The following KIAA1217 variants were observed in gnomAD, a reference collection of about 807,000 sequenced individuals.
KIAA1217 encodes KIAA1217.
A neutral mutation model predicts 163.9 loss-of-function variants in KIAA1217; 88 were observed. That is an observed-to-expected ratio of 0.54 (90% CI 0.45 to 0.64). The LOEUF (loss-of-function observed/expected upper bound fraction) is 0.64. KIAA1217 is among the 30% of genes least tolerant of loss of function. The pLI is 0.00. For synonymous variants in KIAA1217, 903 were observed against 923.1 expected (o/e 0.98, Z 0.39); for missense variants, 2,372 against 2,475.0 (o/e 0.96, Z 0.88).
intron 1 of KIAA1217, among the ~76,000 whole-genome samples, chr10:23,849,011 C>T (rs949533531): frequency 1.3e-5 from 2 of 151,874 alleles, no homozygotes; most frequent in African/African-American, 4.8e-5. Context: ...TTCTATTTCC[C>T]CAGAACCTGG....
intron 4 of KIAA1217, among the ~76,000 whole-genome samples, chr10:24,433,646 C>T (rs2059781830): frequency 6.6e-6 from 1 of 152,166 alleles, no homozygotes; most frequent in Non-Finnish European, 1.5e-5. Context: ...TGATCGAGGT[C>T]TTAAGAGTTG....
Position 23,790,538 on chromosome 10 carries a change from C to T in KIAA1217, c.-321+95304C>T, listed in dbSNP as rs1204967994. Among the ~76,000 whole-genome samples, 112 of 82,050 alleles carry T rather than the reference C, an allele frequency of 1.4e-3. 27 individuals are homozygous for T. Among genetic ancestry groups the T allele is most frequent in the African/African-American group, 0.011 (108 of 10,006 alleles). The allele number at this position is 82,050 out of a possible 152,430, so 53.8% of individuals were successfully genotyped here. A position where few individuals can be genotyped will look rare whatever the true frequency, so the allele number is the denominator to read the frequency against. On this transcript the variant is annotated intron_variant, in intron 1 of 18. Transcript: ENST00000376462. ...ATGTATATATACATATATACATATA[C>T]ATGTGCATATATACATATGTACATA...
At chr10:24,026,982 T>G (rs771709101) in intron 2 of KIAA1217, among the ~76,000 whole-genome samples, 14 of 152,082 alleles carry the variant, frequency 9.2e-5, no homozygotes, top group Non-Finnish European at 1.8e-4. Flanking sequence ...TCAAAGTATT[T>G]TACAATTTTT....
chr10:23,913,596 G>A (rs561119855), intron 1 of KIAA1217, among the ~76,000 whole-genome samples: 3 of 152,052 alleles, frequency 2.0e-5, no homozygotes, highest in Admixed American at 6.6e-5. Context: ...GGTAAGTGAG[G>A]GGTGCCCAAA....
At chr10:23,703,921 T>G (rs1050769830) in intron 1 of KIAA1217, among the ~76,000 whole-genome samples, 95 of 151,452 alleles carry the variant, frequency 6.3e-4, no homozygotes, top group African/African-American at 2.3e-3. Context: ...TTTTTGTTTT[T>G]GTATTGCCAA....
chr10:24,520,385 G>A (rs988268078), intron 11 of KIAA1217, 132 bp downstream of exon 11: 47 of 1,249,226 alleles, frequency 3.8e-5, no homozygotes, highest in Non-Finnish European at 5.2e-5. Context: ...GCATTGTTCT[G>A]GACACTTGGG....
intron 2 of KIAA1217, among the ~76,000 whole-genome samples, chr10:24,311,245 C>T (rs182876286): frequency 6.6e-6 from 1 of 152,242 alleles, no homozygotes; most frequent in African/African-American, 2.4e-5. Context: ...AGCCTGTGTC[C>T]TGTGACACCT....
At chr10:24,393,383 G>A (rs1323396242) in intron 3 of KIAA1217, among the ~76,000 whole-genome samples, 2 of 152,196 alleles carry the variant, frequency 1.3e-5, no homozygotes, top group African/African-American at 4.8e-5. Context: ...GCAGGCCCCT[G>A]TCTGGAGATG....
chr10:24,513,501 G>A lies in KIAA1217; in HGVS notation c.2177+67G>A, dbSNP rs1285883803. On this transcript the variant is annotated intron_variant, in intron 10 of 20. Transcript: ENST00000376454. ...AAGGAAAATTATCATTACTAAGAAG[G>A]AGGTCCTTCCCAGTTGGTGGTCTTG... 3.3e-6 allele frequency: 5 copies of A among 1,514,022 alleles called. No individual in the cohort carries two copies. The South Asian group carries it at 4.8e-5, about 15-fold the overall frequency. The allele number at this position is 1,514,022 out of a possible 1,614,324, so 93.8% of individuals were successfully genotyped here.
intron 2 of KIAA1217, among the ~76,000 whole-genome samples, chr10:24,038,905 G>A (rs181892410): frequency 3.7e-4 from 56 of 152,058 alleles, no homozygotes; most frequent in East Asian, 1.2e-3. Context: ...CACCATGCCC[G>A]GCTAAGTTTT....
chr10:24,168,416 A>G (rs2065459118), intron 2 of KIAA1217, among the ~76,000 whole-genome samples: 1 of 152,216 alleles, frequency 6.6e-6, no homozygotes, highest in African/African-American at 2.4e-5. Flanking sequence ...TGACTACAGC[A>G]TGGCCTCTGT....
chr10:24,087,808 T>TA (rs1256586739), intron 2 of KIAA1217, among the ~76,000 whole-genome samples: 1 of 152,236 alleles, frequency 6.6e-6, no homozygotes, highest in Non-Finnish European at 1.5e-5. Context: ...TTTCCACACT[T>TA]ATGCATTCTA....
At chr10:23,930,507 A>G (rs1200678098) in intron 1 of KIAA1217, among the ~76,000 whole-genome samples, 1 of 152,152 alleles carries the variant, frequency 6.6e-6, no homozygotes, top group African/African-American at 2.4e-5. Context: ...ATTTTTTCAC[A>G]TTCGAATGTT....
At chr10:23,726,357 GTTTAT>G (rs1838134929) in intron 1 of KIAA1217, among the ~76,000 whole-genome samples, 1 of 148,836 alleles carries the variant, frequency 6.7e-6, no homozygotes, top group African/African-American at 2.5e-5. Flanking sequence ...CAGATTACAT[GTTTAT>G]TTTATTTATT....
At chr10:23,818,342 A>G (rs1372712002) in intron 1 of KIAA1217, among the ~76,000 whole-genome samples, 2 of 113,898 alleles carry the variant, frequency 1.8e-5, no homozygotes, top group East Asian at 4.4e-4. Flanking sequence ...TTATATATAT[A>G]TATAAAAAAA....
intron 6 of KIAA1217, among the ~76,000 whole-genome samples, chr10:24,474,655 A>G (rs1394981535): frequency 6.6e-6 from 1 of 152,202 alleles, no homozygotes; most frequent in African/African-American, 2.4e-5. Flanking sequence ...AAATTTTTCC[A>G]GGGAAAGACT....
intron 2 of KIAA1217, among the ~76,000 whole-genome samples, chr10:24,085,562 G>T (rs2061670816): frequency 6.6e-6 from 1 of 151,950 alleles, no homozygotes; most frequent in African/African-American, 2.4e-5. Context: ...CTGCTACTCT[G>T]TTCATCATGG....
intron 2 of KIAA1217, among the ~76,000 whole-genome samples, chr10:24,111,553 T>C (rs910507509): frequency 6.6e-6 from 1 of 152,206 alleles, no homozygotes; most frequent in Non-Finnish European, 1.5e-5. Flanking sequence ...TTAAAATGTT[T>C]TTTGATTTGT....
At chr10:23,704,132 G>T (rs920934786) in intron 1 of KIAA1217, among the ~76,000 whole-genome samples, 1 of 108,806 alleles carries the variant, frequency 9.2e-6, no homozygotes. Flanking sequence ...ATATATGCAT[G>T]TATGTGTGTG....
Sources: allele counts gnomAD v4.1 joint callset (sites outside exome capture counted in the v4.1 genomes callset), GRCh38; gene constraint gnomAD v4.1.1; transcripts MANE v1.5; gene names NCBI Gene and HGNC (gene_info 2026-07-23, HGNC 2026-07-21).